C4orf51: variants seen among roughly 807,000 people sequenced by gnomAD.
C4orf51 encodes the protein chromosome 4 open reading frame 51.
Under a neutral mutation model 25.2 loss-of-function variants are expected in C4orf51, and 25 were observed. The ratio of observed to expected loss-of-function variants is 0.99; its 90% CI spans 0.72 to 1.39. The LOEUF (loss-of-function observed/expected upper bound fraction) is 1.39. Ranked by LOEUF, C4orf51 falls within the 40% of genes most tolerant of loss-of-function variation. The probability of loss-of-function intolerance (pLI) is 0.00; values close to 1 mark genes in which losing one functional copy is unlikely to be tolerated. For missense variants in C4orf51, 252 were observed against 239.6 expected (o/e 1.05, Z -0.34); for synonymous variants, 100 against 84.5 (o/e 1.18, Z -1.01).
intron 1 of C4orf51, among the ~76,000 whole-genome samples, chr4:145,741,037 C>T (rs949480155): frequency 1.3e-5 from 2 of 152,102 alleles, no homozygotes; most frequent in Non-Finnish European, 2.9e-5. Flanking sequence ...AATTTGAGAT[C>T]CCCTCCTCCT....
chr4:145,787,122 C>T, the C4orf51 span, among the ~76,000 whole-genome samples: 1 of 152,236 alleles, frequency 6.6e-6, no homozygotes, highest in African/African-American at 2.4e-5. Context: ...AAGATTTCTG[C>T]TGGCCAAGGT....
chr4:145,766,556 T>C (rs1285721799), intron 1 of C4orf51, among the ~76,000 whole-genome samples: 3 of 152,054 alleles, frequency 2.0e-5, no homozygotes, highest in Non-Finnish European at 4.4e-5. Flanking sequence ...GAGTGGCGGA[T>C]ACAGAGCTGA....
chr4:145,681,469 C>G (rs1268237761), intron 1 of C4orf51, among the ~76,000 whole-genome samples: 1 of 152,180 alleles, frequency 6.6e-6, no homozygotes, highest in Non-Finnish European at 1.5e-5. Context: ...AAATAACTCT[C>G]AAGTATATTG....
chr4:145,780,703 A>G, the C4orf51 span, among the ~76,000 whole-genome samples: 1 of 152,240 alleles, frequency 6.6e-6, no homozygotes, highest in African/African-American at 2.4e-5. Flanking sequence ...AGACACTTCT[A>G]AAAGGACACT....
downstream of C4orf51, among the ~76,000 whole-genome samples, chr4:145,733,080 C>T (rs1732581906): frequency 1.3e-5 from 2 of 152,230 alleles, no homozygotes; most frequent in South Asian, 2.1e-4. Context: ...AGCTCAGGGG[C>T]GGAGTCGTGG....
chr4:145,715,098 A>G (rs1731334192), intron 2 of C4orf51, among the ~76,000 whole-genome samples: 1 of 152,138 alleles, frequency 6.6e-6, no homozygotes, highest in Non-Finnish European at 1.5e-5. Flanking sequence ...AGGGACACAT[A>G]TGGAGAACAG....
chr4:145,746,563 T>C (rs1007333317), intron 1 of C4orf51, among the ~76,000 whole-genome samples: 1 of 152,182 alleles, frequency 6.6e-6, no homozygotes, highest in African/African-American at 2.4e-5. Flanking sequence ...TTTTGTTCCA[T>C]TGGTCTGTAG....
downstream of C4orf51, among the ~76,000 whole-genome samples, chr4:145,733,293 C>T (rs1433090585): frequency 6.6e-6 from 1 of 152,182 alleles, no homozygotes; most frequent in Non-Finnish European, 1.5e-5. Flanking sequence ...CAGGCCGCCT[C>T]CGCCGCCTAC....
At chr4:145,756,266 C>G (rs1733944533), downstream of C4orf51, among the ~76,000 whole-genome samples, 1 of 152,216 alleles carries the variant, frequency 6.6e-6, no homozygotes, top group Admixed American at 6.5e-5. Context: ...AACAATCCAT[C>G]AGCAGTGGAC....
intron 1 of C4orf51, among the ~76,000 whole-genome samples, chr4:145,743,375 G>A (rs1259985565): frequency 6.6e-6 from 1 of 152,140 alleles, no homozygotes; most frequent in Non-Finnish European, 1.5e-5. Context: ...GCAGAAGGTG[G>A]GAGGGCAAGA....
intron 1 of C4orf51, among the ~76,000 whole-genome samples, chr4:145,684,276 A>T (rs1276583866): frequency 1.3e-5 from 2 of 152,088 alleles, no homozygotes; most frequent in African/African-American, 4.8e-5. Flanking sequence ...AGGTCAGGAG[A>T]TCGAGACCAA....
rs1735096920 is a variant in C4orf51, at chr4:145,765,195, G to C, written n.167-5793G>C. On this transcript the variant is annotated intron_variant and non_coding_transcript_variant, in intron 1 of 1. Coordinates refer to the C4orf51 transcript ENST00000510096. This position sits in a 1 kb window ranked among gnomAD's most constrained non-coding sequence, Gnocchi z 4.7. ...AAGGACCGAAGCTGGGTATAGAGGTGCACAGGGCAGCGGGGAGAGGAGGGC... is the reference window on the plus strand; with the variant it reads ...AAGGACCGAAGCTGGGTATAGAGGTCCACAGGGCAGCGGGGAGAGGAGGGC... 6.4e-7 allele frequency: 1 copy of C among 1,565,922 alleles called. No homozygotes were observed. The highest frequency in any genetic ancestry group is 8.7e-7 in the Non-Finnish European group (1 of 1,153,386).
chr4:145,729,164 T>A lies in C4orf51; in HGVS notation c.367-5T>A. ...GGTATTTATTTCTATCTCTCCTTTTTATAGGCACATCAAATTTGGGATTTT... is the reference window on the plus strand; with the variant it reads ...GGTATTTATTTCTATCTCTCCTTTTAATAGGCACATCAAATTTGGGATTTT... On this transcript the variant is annotated splice_region_variant and splice_polypyrimidine_tract_variant and intron_variant, in intron 3 of 5. Coordinates refer to ENST00000438731, the MANE Select transcript of C4orf51 (RefSeq NM_001080531.3). The A allele has an allele frequency of 6.3e-7, 1 of 1,588,026 alleles. No individual in the cohort carries two copies. The highest frequency in any genetic ancestry group is 8.6e-7 in the Non-Finnish European group (1 of 1,157,804).
At chr4:145,685,006 T>A (rs746572557) in intron 1 of C4orf51, among the ~76,000 whole-genome samples, 9 of 152,136 alleles carry the variant, frequency 5.9e-5, no homozygotes, top group Admixed American at 4.6e-4. Context: ...ACAATCATAG[T>A]TGAACATTTT....
chr4:145,788,551 A>G, the C4orf51 span, among the ~76,000 whole-genome samples: 1 of 152,234 alleles, frequency 6.6e-6, no homozygotes, highest in Non-Finnish European at 1.5e-5. Context: ...TACTTCCAAG[A>G]TTAGTGGGAT....
chr4:145,781,468 G>A, the C4orf51 span, among the ~76,000 whole-genome samples: 10 of 152,116 alleles, frequency 6.6e-5, no homozygotes, highest in East Asian at 1.9e-4. Flanking sequence ...AATAATGTTC[G>A]CTGTGAGGCA....
chr4:145,780,396 G>A, the C4orf51 span, among the ~76,000 whole-genome samples: 2 of 152,164 alleles, frequency 1.3e-5, no homozygotes, highest in Admixed American at 6.5e-5. Flanking sequence ...CACACGCTGT[G>A]CCACAGAAAA....
At chr4:145,774,341 A>G (rs757700202), downstream of C4orf51, among the ~76,000 whole-genome samples, 1 of 152,164 alleles carries the variant, frequency 6.6e-6, no homozygotes, top group Non-Finnish European at 1.5e-5. Context: ...AAACAGTATT[A>G]TGACTACAGG....
At chr4:145,741,872 G>T (rs899583029) in intron 1 of C4orf51, among the ~76,000 whole-genome samples, 1 of 151,760 alleles carries the variant, frequency 6.6e-6, no homozygotes, top group African/African-American at 2.4e-5. Context: ...AATTTTTGTT[G>T]TTGTTGTTAG....
Sources: gnomAD v4.1 joint callset for allele counts (sites outside exome capture counted in the v4.1 genomes callset) on GRCh38, gnomAD v4.1.1 for gene constraint, Gnocchi (gnomAD v3.1) non-coding constraint, MANE v1.5 for transcripts, NCBI Gene and HGNC (gene_info 2026-07-23, HGNC 2026-07-21) for gene names.